The following ARHGAP26 variants were observed in gnomAD, a reference collection of about 807,000 sequenced individuals.
ARHGAP26 encodes the protein Rho GTPase activating protein 26.
Under a neutral mutation model 104.8 loss-of-function variants are expected in ARHGAP26, and 38 were observed. The ratio of observed to expected loss-of-function variants is 0.36; its 90% CI spans 0.28 to 0.48. The LOEUF (loss-of-function observed/expected upper bound fraction) is 0.48. Among genes scored for constraint, ARHGAP26 ranks in the 20% least tolerant of loss-of-function variants. ARHGAP26 has a pLI of 0.99. For missense variants in ARHGAP26, 704 were observed against 947.9 expected, an observed-to-expected ratio of 0.74 and a Z score of 3.38; for synonymous variants, 341 against 340.0, an observed-to-expected ratio of 1.00 and a Z score of -0.03.
At chr5:142,894,683 C>A (rs1759218504) in intron 6 of ARHGAP26, among the ~76,000 whole-genome samples, 1 of 152,152 alleles carries the variant, frequency 6.6e-6, no homozygotes, top group African/African-American at 2.4e-5. Context: ...AGTGATTATA[C>A]CTTAACTTCC....
At chr5:142,852,769 C>A (rs1414648308) in intron 1 of ARHGAP26, among the ~76,000 whole-genome samples, 1 of 152,198 alleles carries the variant, frequency 6.6e-6, no homozygotes, top group Non-Finnish European at 1.5e-5. Flanking sequence ...AACATGATCT[C>A]ACTCAGTAAG....
At chr5:142,969,270 T>A (rs1771881405) in intron 11 of ARHGAP26, 1 of 152,340 alleles carries the variant, frequency 6.6e-6, no homozygotes, top group South Asian at 2.1e-4. Flanking sequence ...GAACGTTTAG[T>A]TTGTTTCCTC....
At chr5:142,804,324 A>G (rs1762590728) in intron 1 of ARHGAP26, among the ~76,000 whole-genome samples, 1 of 152,184 alleles carries the variant, frequency 6.6e-6, no homozygotes, top group African/African-American at 2.4e-5. Flanking sequence ...GAGGCTGACT[A>G]GGGTGAATGA....
chr5:142,926,273 T>G (rs904672018), intron 10 of ARHGAP26, among the ~76,000 whole-genome samples: 1 of 152,202 alleles, frequency 6.6e-6, no homozygotes, highest in African/African-American at 2.4e-5. Context: ...CCATGGCTCC[T>G]GCAGTGTGAG....
chr5:142,940,347 G>A lies in ARHGAP26; in HGVS notation c.1107+8222G>A, dbSNP rs180936699. 8.5e-5 allele frequency among the ~76,000 whole-genome samples: 13 copies of A among 152,194 alleles called. No homozygotes were observed. The East Asian group carries it at 2.5e-3, about 29-fold the overall frequency. On this transcript the variant is annotated intron_variant, in intron 11 of 22. Coordinates refer to ENST00000645722, the MANE Select transcript of ARHGAP26 (RefSeq NM_001135608.3). ...TTTTTTTTAACTTTTAGGTTCAGGG[G>A]TACATGTGCAGGTTTGTTATGTAGG...
At chr5:142,813,050 G>T (rs1764421198) in intron 1 of ARHGAP26, among the ~76,000 whole-genome samples, 1 of 149,986 alleles carries the variant, frequency 6.7e-6, no homozygotes, top group South Asian at 2.1e-4. Flanking sequence ...CCATTCTCCT[G>T]CCTTAGCCTC....
intron 5 of ARHGAP26, among the ~76,000 whole-genome samples, chr5:142,889,308 CT>C (rs1257939906): frequency 2.0e-5 from 3 of 152,126 alleles, no homozygotes; most frequent in African/African-American, 7.2e-5. Flanking sequence ...TTCTCATGGA[CT>C]TTATATTCTA....
At chr5:142,823,874 T>C (rs569778482) in intron 1 of ARHGAP26, among the ~76,000 whole-genome samples, 3 of 152,346 alleles carry the variant, frequency 2.0e-5, no homozygotes, top group Admixed American at 2.0e-4. Flanking sequence ...TGTTCTCTCA[T>C]AAGGCCTGTC....
At chr5:142,954,227 A>G (rs1267787096) in intron 11 of ARHGAP26, among the ~76,000 whole-genome samples, 2 of 152,152 alleles carry the variant, frequency 1.3e-5, no homozygotes, top group Non-Finnish European at 1.5e-5. Context: ...GGCCCCATAT[A>G]TGGGATTTTC....
intron 12 of ARHGAP26, among the ~76,000 whole-genome samples, chr5:143,018,915 G>A (rs1273502921): frequency 6.6e-6 from 1 of 152,156 alleles, no homozygotes; most frequent in African/African-American, 2.4e-5. Context: ...AGGTTATTTG[G>A]AGAAAGTTGA....
chr5:143,094,540 A>G (rs1008987077), intron 17 of ARHGAP26, among the ~76,000 whole-genome samples: 1 of 152,236 alleles, frequency 6.6e-6, no homozygotes, highest in Non-Finnish European at 1.5e-5. Flanking sequence ...CCACAAAAGG[A>G]ATAGCACTTG....
chr5:143,123,449 G>C (rs943288290), intron 18 of ARHGAP26, among the ~76,000 whole-genome samples: 9 of 152,174 alleles, frequency 5.9e-5, no homozygotes, highest in Admixed American at 5.9e-4. Context: ...TGGCTTTCTG[G>C]AGATAACACT....
chr5:142,791,079 A>T lies in ARHGAP26; in HGVS notation c.154+20164A>T, dbSNP rs114570127. Among the ~76,000 whole-genome samples the T allele has an allele frequency of 5.2e-3, 750 of 145,126 alleles. 14 individuals are homozygous for T. Among genetic ancestry groups the T allele is most frequent in the African/African-American group, 0.02 (696 of 35,632 alleles). ...TTCTCCTTAGGGTTTATTTTGCTTTAAAGTTTTTTTTTTTTTTTGAGACAG... is the reference window on the plus strand; with the variant it reads ...TTCTCCTTAGGGTTTATTTTGCTTTTAAGTTTTTTTTTTTTTTTGAGACAG... On this transcript the variant is annotated intron_variant, in intron 1 of 22. Coordinates refer to ENST00000645722, the MANE Select transcript of ARHGAP26 (RefSeq NM_001135608.3).
At chr5:142,815,257 T>C (rs1276740316) in intron 1 of ARHGAP26, among the ~76,000 whole-genome samples, 1 of 152,220 alleles carries the variant, frequency 6.6e-6, no homozygotes, top group East Asian at 1.9e-4. Context: ...GCCAGGCTGG[T>C]CTCAAACTCC....
At position 142,827,118 on chromosome 5, in the gene ARHGAP26, TCCTATTTTTTTTCTAC is replaced by T. The variant is rs1767441352; in HGVS notation, c.155-46266_155-46251del. Among the ~76,000 whole-genome samples the T allele has an allele frequency of 3.9e-5, 6 of 152,046 alleles. No homozygotes were observed. The South Asian group carries it at 1.2e-3, about 32-fold the overall frequency. ...CTGAGCTTCTGTTTTTTTTTTTAAA[TCCTATTTTTTTTCTAC>T]CCTATTTTTTTTCTAATGAAAAGCC... is the stretch of plus-strand genomic sequence containing the variant. On this transcript the variant is annotated intron_variant, in intron 1 of 22. Transcript: ENST00000645722.
At chr5:143,023,565 T>G (rs1423438023) in intron 12 of ARHGAP26, among the ~76,000 whole-genome samples, 1 of 152,220 alleles carries the variant, frequency 6.6e-6, no homozygotes, top group Non-Finnish European at 1.5e-5. Context: ...CTTTTGCTGT[T>G]AGAACACCCA....
chr5:142,779,538 A>T (rs1253901146), intron 1 of ARHGAP26, among the ~76,000 whole-genome samples: 3 of 151,988 alleles, frequency 2.0e-5, no homozygotes, highest in Non-Finnish European at 4.4e-5. Flanking sequence ...GCCAGTAGCT[A>T]CTCTTTGACT....
intron 20 of ARHGAP26, among the ~76,000 whole-genome samples, chr5:143,182,726 C>T (rs966991961): frequency 1.3e-5 from 2 of 152,048 alleles, no homozygotes; most frequent in African/African-American, 4.8e-5. Flanking sequence ...AAGACAAATC[C>T]CTTGCTCTAT....
intron 17 of ARHGAP26, among the ~76,000 whole-genome samples, chr5:143,087,745 G>A (rs1790815124): frequency 7.5e-6 from 1 of 133,956 alleles, no homozygotes; most frequent in Non-Finnish European, 1.6e-5. Context: ...CGCCTCCCAG[G>A]TTCAAGTGAT....
Sources: allele counts gnomAD v4.1 joint callset (sites outside exome capture counted in the v4.1 genomes callset), GRCh38; gene constraint gnomAD v4.1.1; transcripts MANE v1.5; gene names NCBI Gene and HGNC (gene_info 2026-07-23, HGNC 2026-07-21).